UTP25: variants seen among roughly 807,000 people sequenced by gnomAD.
The protein encoded by UTP25 is U3 small nucleolar RNA-associated protein 25 homolog.
UTP25 carries 50 observed loss-of-function variants against 78.9 expected under a neutral mutation model. The observed-to-expected ratio is 0.63, with a 90% CI of 0.50 to 0.80. The LOEUF (loss-of-function observed/expected upper bound fraction) is 0.80. UTP25 is among the 30% of genes least tolerant of loss of function. The pLI is 0.00. For synonymous variants in UTP25, 329 were observed against 336.5 expected, an observed-to-expected ratio of 0.98 and a Z score of 0.24; for missense variants, 846 against 911.3, an observed-to-expected ratio of 0.93 and a Z score of 0.92.
At position 209,843,938 on chromosome 1, in the gene UTP25, C is replaced by T. The variant is rs1324950582; in HGVS notation, c.2027+242C>T. 2.2e-5 allele frequency: 12 copies of T among 533,888 alleles called. No individual in the cohort carries two copies. In the Admixed American group the frequency reaches 2.3e-4, roughly 10 times the overall value. The allele number at this position is 533,888 out of a possible 1,614,324, so 33.1% of individuals were successfully genotyped here. A position where few individuals can be genotyped will look rare whatever the true frequency, so the allele number is the denominator to read the frequency against. ...AACCAAAGCATACCCTGTCTATAGA[C>T]CTGGCATGTAGCTGTGGTTATACAC... On this transcript the variant is annotated intron_variant, in intron 11 of 11. Coordinates refer to ENST00000491415, the MANE Select transcript of UTP25 (RefSeq NM_014388.7).
rs2078170506 is a variant in UTP25, at chr1:209,842,175, A to C, written c.1486-90A>C. ...GTTATAATTTAGGAGATGATAGTACATGAGTTGATAGACTCGGAAAATGTT... is the reference window on the plus strand; with the variant it reads ...GTTATAATTTAGGAGATGATAGTACCTGAGTTGATAGACTCGGAAAATGTT... On this transcript the variant is annotated intron_variant, in intron 8 of 11. Transcript: ENST00000491415. 5 of 1,323,164 alleles carry C rather than the reference A, an allele frequency of 3.8e-6. No homozygotes were observed. The Admixed American group carries it at 9.7e-5, about 26-fold the overall frequency. The allele number at this position is 1,323,164 out of a possible 1,614,324, so 82.0% of individuals were successfully genotyped here. A position where few individuals can be genotyped will look rare whatever the true frequency, so the allele number is the denominator to read the frequency against.
intron 6 of UTP25, 163 bp from the exon 7 acceptor site, chr1:209,838,746 G>C (rs540338787): frequency 2.7e-6 from 2 of 740,728 alleles, no homozygotes; most frequent in East Asian, 5.0e-5. Context: ...TCAGTTTCTG[G>C]TGTTGAGCCA....
intron 7 of UTP25, among the ~76,000 whole-genome samples, chr1:209,840,454 CT>C (rs2078160442): frequency 6.6e-6 from 1 of 152,212 alleles, no homozygotes; most frequent in African/African-American, 2.4e-5. Flanking sequence ...GCCGTTTGTA[CT>C]TTCCTCATAA....
intron 3 of UTP25, among the ~76,000 whole-genome samples, chr1:209,831,948 G>A (rs747758063): frequency 6.6e-6 from 1 of 151,386 alleles, no homozygotes; most frequent in Non-Finnish European, 1.5e-5. Context: ...ATAGCTGGGT[G>A]ACTTTTTACT....
At position 209,843,170 on chromosome 1, in the gene UTP25, C is replaced by CT. The variant is rs2078177200; in HGVS notation, c.1782-280dup. 6.5e-6 allele frequency: 3 copies of CT among 461,296 alleles called. No homozygotes were observed. The South Asian group carries it at 7.8e-5, about 12-fold the overall frequency. The allele number at this position is 461,296 out of a possible 1,614,324, so 28.6% of individuals were successfully genotyped here. On this transcript the variant is annotated intron_variant, in intron 10 of 11. Coordinates refer to ENST00000491415, the MANE Select transcript of UTP25 (RefSeq NM_014388.7). ...TTGGACTGAGTGACTGAGTGACTGA[C>CT]TGACTGACTGAATAGTGTGGTGTGT... is the stretch of plus-strand genomic sequence containing the variant.
rs2078276982 is a variant in UTP25 at position 209,856,482 on chromosome 1, T to C, written c.*5035T>C. ...AAGTGATGGCTGAAGCTCCTGAGGC[T>C]ATAAGCTCTGTACGTAGGAGAGTGG... is the stretch of plus-strand genomic sequence containing the variant. On this transcript the variant is annotated 3_prime_UTR_variant, in exon 12 of 12. Coordinates refer to ENST00000491415, the MANE Select transcript of UTP25 (RefSeq NM_014388.7). The C allele has an allele frequency of 6.6e-6, 1 of 152,272 alleles. No homozygotes were observed. The highest frequency in any genetic ancestry group is 2.1e-4 in the South Asian group (1 of 4,832). The allele number at this position is 152,272 out of a possible 1,614,324, so 9.4% of individuals were successfully genotyped here.
rs1342005167 is a variant in UTP25 at position 209,852,752 on chromosome 1, C to T, written c.*1305C>T. On this transcript the variant is annotated 3_prime_UTR_variant, in exon 12 of 12. Transcript: ENST00000491415. The stretch of plus-strand genomic sequence containing the variant: ...CTATTGTGGTGCCACTCATCCCAGG[C>T]TCAGTGGTCAGAACTTGGGAATTGT... 1 of 152,092 alleles carries T rather than the reference C, an allele frequency of 6.6e-6. No individual in the cohort carries two copies. Among genetic ancestry groups the T allele is most frequent in the Admixed American group, 6.5e-5 (1 of 15,274 alleles). 9.4% of individuals were successfully genotyped at this position (152,092 alleles called of 1,614,324 possible).
rs189916489 is a variant in UTP25, at chr1:209,857,063, T to G, written c.*5616T>G. 2 of 152,216 alleles carry G rather than the reference T, an allele frequency of 1.3e-5. No individual in the cohort carries two copies. The highest frequency in any genetic ancestry group is 1.5e-5 in the Non-Finnish European group (1 of 68,032). 9.4% of individuals were successfully genotyped at this position (152,216 alleles called of 1,614,324 possible). On this transcript the variant is annotated 3_prime_UTR_variant, in exon 12 of 12. Transcript: ENST00000491415. The stretch of plus-strand genomic sequence containing the variant: ...AACTTACAGGTCTTGTGATCTAATC[T>G]GCCACTTGATCCGTGAATTACCTAT...
At position 209,828,051 on chromosome 1, in the gene UTP25, TGAC is replaced by T. The variant is rs1219269063; in HGVS notation, c.-11_-9del. 1 of 1,611,336 alleles carries T rather than the reference TGAC, an allele frequency of 6.2e-7. No individual in the cohort carries two copies. The highest frequency in any genetic ancestry group is 8.5e-7 in the Non-Finnish European group (1 of 1,177,506). On this transcript the variant is annotated 5_prime_UTR_variant, in exon 1 of 12. Coordinates refer to ENST00000491415, the MANE Select transcript of UTP25 (RefSeq NM_014388.7). ...CGCGACTCTTGCAAGTGGGCAAACTTGACGTTTTCGCTATGGGCAAACGCGGGA... is the reference window on the plus strand; with the variant it reads ...CGCGACTCTTGCAAGTGGGCAAACTTGTTTTCGCTATGGGCAAACGCGGGA...
chr1:209,831,168 C>G (rs1440599310), intron 3 of UTP25, 125 bp downstream of exon 3: 2 of 968,230 alleles, frequency 2.1e-6, no homozygotes, highest in African/African-American at 3.3e-5. Context: ...AGGGATTTAC[C>G]CTTGTTGGGT....
intron 11 of UTP25, chr1:209,844,632 CAAAA>C (rs66685915): frequency 1.5e-3 from 131 of 89,722 alleles, no homozygotes; most frequent in African/African-American, 2.5e-3. Flanking sequence ...AACTCCATCT[CAAAA>C]AAAAAAAAAA....
At chr1:209,841,199 T>C (rs750957563) in intron 8 of UTP25, 144 bp downstream of exon 8, 75 of 849,358 alleles carry the variant, frequency 8.8e-5, no homozygotes, top group Middle Eastern at 3.5e-4. Flanking sequence ...CATTTTCTAA[T>C]TTGAAAAAGT....
chr1:209,836,822 T>C lies in UTP25; in HGVS notation c.673T>C (p.Phe225Leu), dbSNP rs2078135562. ...CTAGTGGCCTATTCTGGGCCAGCTTTTCTTTTCCTCTAAGTTTCAGAAGTT... is the reference window on the plus strand; with the variant it reads ...CTAGTGGCCTATTCTGGGCCAGCTTCTCTTTTCCTCTAAGTTTCAGAAGTT... ...ELKWPILGQLFFSSKFQKLET... is the reference protein window; with the variant it reads ...ELKWPILGQLLFSSKFQKLET... Residue 225 changes from phenylalanine to leucine, a missense_variant, in exon 6 of 12, where the codon TTC (phenylalanine) becomes CTC (leucine). Phe to Leu is a conservative substitution (Grantham distance 22, BLOSUM62 0). Coordinates refer to ENST00000491415, the MANE Select transcript of UTP25 (RefSeq NM_014388.7). 1.2e-6 allele frequency: 2 copies of C among 1,607,492 alleles called. No individual in the cohort carries two copies. The highest frequency in any genetic ancestry group is 2.7e-5 in the African/African-American group (2 of 74,456).
Position 209,837,101 on chromosome 1 carries a change from A to G in UTP25, c.952A>G (p.Ile318Val), listed in dbSNP as rs1394386974. The change falls in exon 6 of 12, where the codon ATC becomes GTC. Residue 318 changes from isoleucine to valine, a missense_variant. Physicochemically the swap from Ile to Val is conservative, Grantham distance 29. Transcript: ENST00000491415. Reference sequence around the variant, plus strand: ...GTATTGCCTGCATGTGATAAATCACATCCTCAAAGCCAATGCCCAGGTGCT... The same window carrying G: ...GTATTGCCTGCATGTGATAAATCACGTCCTCAAAGCCAATGCCCAGGTGCT... ...HVYCLHVINH[I>V]LKANAQVLGN... The G allele has an allele frequency of 1.2e-6, 2 of 1,614,162 alleles. No homozygotes were observed. Among genetic ancestry groups the G allele is most frequent in the Non-Finnish European group, 1.7e-6 (2 of 1,180,006 alleles).
In UTP25 at chr1:209,842,672, C is replaced by T; in HGVS notation, c.1758C>T (p.Asn586=). 1 of 1,612,626 alleles carries T rather than the reference C, an allele frequency of 6.2e-7. No individual in the cohort carries two copies. Among genetic ancestry groups the T allele is most frequent in the Non-Finnish European group, 8.5e-7 (1 of 1,179,522 alleles). Reference sequence around the variant, plus strand: ...TCTTCCAGAGGATGGAAGCTGAAAACCTAGCTTCAGTGATTGATGCCAGGT... The same window carrying T: ...TCTTCCAGAGGATGGAAGCTGAAAATCTAGCTTCAGTGATTGATGCCAGGT... ...PHVFQRMEAE[N]LASVIDARFN... Residue 586 remains asparagine (N), a synonymous_variant, in exon 10 of 12, where the codon AAC becomes AAT. Coordinates refer to ENST00000491415, the MANE Select transcript of UTP25 (RefSeq NM_014388.7).
At chr1:209,843,346 G>GT (rs2078177909) in intron 10 of UTP25, 105 bp from the exon 11 acceptor site, 2 of 1,388,348 alleles carry the variant, frequency 1.4e-6, no homozygotes, top group Non-Finnish European at 1.9e-6. Context: ...CTCTGGGGAG[G>GT]TAATCTTTTA....
Position 209,853,336 on chromosome 1 carries a change from G to A in UTP25, c.*1889G>A, listed in dbSNP as rs879264561. The A allele has an allele frequency of 4.6e-5, 7 of 151,838 alleles. No homozygotes were observed. Among genetic ancestry groups the A allele is most frequent in the Non-Finnish European group, 5.9e-5 (4 of 68,014 alleles). 9.4% of individuals were successfully genotyped at this position (151,838 alleles called of 1,614,324 possible). A position where few individuals can be genotyped will look rare whatever the true frequency, so the allele number is the denominator to read the frequency against. On this transcript the variant is annotated 3_prime_UTR_variant, in exon 12 of 12. Transcript: ENST00000491415. ...TTTACCTCATTCAGAAATGTGAGGCGAAGGGACTGTAATTACCTGGATCTT... is the reference window on the plus strand; with the variant it reads ...TTTACCTCATTCAGAAATGTGAGGCAAAGGGACTGTAATTACCTGGATCTT...
chr1:209,856,903 C>T lies in UTP25; in HGVS notation c.*5456C>T, dbSNP rs1448305186. 2 of 152,206 alleles carry T rather than the reference C, an allele frequency of 1.3e-5. No homozygotes were observed. Among genetic ancestry groups the T allele is most frequent in the African/African-American group, 2.4e-5 (1 of 41,454 alleles). 9.4% of individuals were successfully genotyped at this position (152,206 alleles called of 1,614,324 possible). A position where few individuals can be genotyped will look rare whatever the true frequency, so the allele number is the denominator to read the frequency against. ...AGATTTATAGAAACAGTGATCGTTG[C>T]AGAAAAATAATTAGCAAGAGAACAG... On this transcript the variant is annotated 3_prime_UTR_variant, in exon 12 of 12. Coordinates refer to ENST00000491415, the MANE Select transcript of UTP25 (RefSeq NM_014388.7).
chr1:209,835,177 G>A lies in UTP25; in HGVS notation c.651+14G>A. Reference sequence around the variant, plus strand: ...CACGAGCTTAAAGTAAGTGTTGCTTGGTCATCCCGGTCACAAATAGAGAAA... The same window carrying A: ...CACGAGCTTAAAGTAAGTGTTGCTTAGTCATCCCGGTCACAAATAGAGAAA... On this transcript the variant is annotated intron_variant, in intron 5 of 11. Transcript: ENST00000491415. 2 of 1,606,642 alleles carry A rather than the reference G, an allele frequency of 1.2e-6. No homozygotes were observed. The highest frequency in any genetic ancestry group is 8.5e-7 in the Non-Finnish European group (1 of 1,173,778).
Sources: allele counts gnomAD v4.1 joint callset (sites outside exome capture counted in the v4.1 genomes callset), GRCh38; gene constraint gnomAD v4.1.1; transcripts MANE v1.5; gene names NCBI Gene and HGNC (gene_info 2026-07-23, HGNC 2026-07-21).